CLTCL1: variants seen among roughly 807,000 people sequenced by gnomAD.
The protein encoded by CLTCL1 is clathrin heavy chain like 1.
CLTCL1 carries 159 observed loss-of-function variants against 190.0 expected under a neutral mutation model. The ratio of observed to expected loss-of-function variants is 0.84; its 90% confidence interval spans 0.74 to 0.95. The LOEUF is 0.95. Ranked by LOEUF, CLTCL1 falls within the 40% of genes least tolerant of loss-of-function variation. The probability of loss-of-function intolerance (pLI) is 0.00; values close to 1 mark genes in which losing one functional copy is unlikely to be tolerated. For synonymous variants in CLTCL1, 752 were observed against 769.6 expected (o/e 0.98, Z 0.38); for missense variants, 1,878 against 2,033.4 (o/e 0.92, Z 1.47).
intron 19 of CLTCL1, among the ~76,000 whole-genome samples, chr22:19,212,500 G>A (rs191122959): frequency 3.2e-4 from 49 of 151,826 alleles, no homozygotes; most frequent in Non-Finnish European, 6.2e-4. Context: ...GGTTGGGGCT[G>A]CAGTGAGCCG....
At chr22:19,291,085 G>T (rs186530310) in intron 1 of CLTCL1, among the ~76,000 whole-genome samples, 103 of 152,334 alleles carry the variant, frequency 6.8e-4, no homozygotes, top group South Asian at 3.1e-3. Context: ...GCAGGCTTTG[G>T]GGGTGTTACT....
intron 3 of CLTCL1, among the ~76,000 whole-genome samples, chr22:19,243,540 G>A (rs1035321763): frequency 6.6e-6 from 1 of 151,956 alleles, no homozygotes; most frequent in Non-Finnish European, 1.5e-5. Flanking sequence ...GATTGCTTGG[G>A]CCAAGAAGTT....
At chr22:19,205,092 A>T (rs75862769) in intron 22 of CLTCL1, among the ~76,000 whole-genome samples, 194 of 18,636 alleles carry the variant, frequency 0.01, no homozygotes, top group African/African-American at 0.076. Context: ...ATCACTGATT[A>T]AAAAAAAAAA....
intron 4 of CLTCL1, 138 bp downstream of exon 4, chr22:19,242,637 C>T (rs1569214616): frequency 6.3e-6 from 6 of 948,304 alleles, no homozygotes; most frequent in Admixed American, 2.1e-5. Context: ...ATGTGCATCA[C>T]GGTGCACAGT....
intron 3 of CLTCL1, among the ~76,000 whole-genome samples, chr22:19,252,839 C>A (rs1400150499): frequency 9.2e-5 from 14 of 151,948 alleles, no homozygotes; most frequent in Non-Finnish European, 1.6e-4. Context: ...ACGGAGAAAC[C>A]CCATCTCTAC....
Position 19,225,627 on chromosome 22 carries a change from C to G in CLTCL1, c.1954G>C (p.Val652Leu). 1 of 1,541,940 alleles carries G rather than the reference C, an allele frequency of 6.5e-7. No homozygotes were observed. The highest frequency in any genetic ancestry group is 1.4e-5 in the African/African-American group (1 of 73,176). The change falls in exon 13 of 33, where the codon GTC becomes CTC. Residue 652 changes from valine to leucine, a missense_variant. Val to Leu is a conservative substitution (Grantham distance 32). Coordinates refer to ENST00000427926, the MANE Select transcript of CLTCL1 (RefSeq NM_007098.4). ...HTHLLNPEWL[V>L]NFFGSLSVED... is the part of the protein sequence containing the mutation. ...ACCGATAAGGAGCCAAAGAAATTGA[C>G]AAGCCACTGGGAACAAGGAAGAGTC...
rs879969846 is a variant in CLTCL1, at chr22:19,187,464, T to A, written c.4605+94A>T. On this transcript the variant is annotated intron_variant, in intron 29 of 32. Transcript: ENST00000427926. ...TCCCCTGGTGAAGCTCAGAGCCAGG[T>A]CTCAGGAACAAGAGGGAAGGGATGT... 4.6e-6 allele frequency: 6 copies of A among 1,313,226 alleles called. No individual in the cohort carries two copies. The Admixed American group carries it at 1.2e-4, about 26-fold the overall frequency. 81.3% of individuals were successfully genotyped at this position (1,313,226 alleles called of 1,614,324 possible).
chr22:19,235,337 G>C (rs1451433883), intron 6 of CLTCL1, among the ~76,000 whole-genome samples: 1 of 152,154 alleles, frequency 6.6e-6, no homozygotes, highest in Non-Finnish European at 1.5e-5. Flanking sequence ...GCCCAGCCAA[G>C]AGTTTCTTCT....
chr22:19,219,566 C>T (rs781951061), intron 18 of CLTCL1, among the ~76,000 whole-genome samples: 5 of 152,086 alleles, frequency 3.3e-5, no homozygotes, highest in South Asian at 2.1e-4. Flanking sequence ...TCACTGCAAC[C>T]TCCACCCCCT....
intron 3 of CLTCL1, 42 bp from the exon 4 acceptor site, chr22:19,242,978 G>C: frequency 6.5e-7 from 1 of 1,528,316 alleles, no homozygotes; most frequent in Non-Finnish European, 8.9e-7. Flanking sequence ...AGAAAAGAGA[G>C]GAATATAAAG....
chr22:19,265,709 C>T (rs1379947823), intron 2 of CLTCL1, among the ~76,000 whole-genome samples: 1 of 152,088 alleles, frequency 6.6e-6, no homozygotes, highest in African/African-American at 2.4e-5. Flanking sequence ...AATACACATA[C>T]ATACACAAAA....
At chr22:19,237,756 A>C (rs1235960265) in intron 5 of CLTCL1, among the ~76,000 whole-genome samples, 1 of 152,234 alleles carries the variant, frequency 6.6e-6, no homozygotes, top group African/African-American at 2.4e-5. Flanking sequence ...AGAGGAGTTT[A>C]TACAGCAGCA....
intron 1 of CLTCL1, among the ~76,000 whole-genome samples, chr22:19,289,662 A>G (rs2088037060): frequency 6.6e-6 from 1 of 151,552 alleles, no homozygotes; most frequent in Non-Finnish European, 1.5e-5. Flanking sequence ...ACAACAAGAC[A>G]GAAGGATGAA....
chr22:19,234,396 A>C, intron 7 of CLTCL1, 113 bp downstream of exon 7: 1 of 981,988 alleles, frequency 1.0e-6, no homozygotes, highest in Non-Finnish European at 1.5e-6. Flanking sequence ...AAAACTCCTA[A>C]CATAACACTA....
At chr22:19,193,235 C>T (rs1227996734) in intron 26 of CLTCL1, among the ~76,000 whole-genome samples, 4 of 152,246 alleles carry the variant, frequency 2.6e-5, no homozygotes, top group Admixed American at 2.0e-4. Flanking sequence ...ACCATGTGCA[C>T]TCTTGGCCCT....
chr22:19,219,861 GAC>G, intron 18 of CLTCL1, 22 bp downstream of exon 18: 1 of 1,613,964 alleles, frequency 6.2e-7, no homozygotes, highest in Non-Finnish European at 8.5e-7. Context: ...CAGGTGTGCA[GAC>G]ATACCCATCT....
chr22:19,223,158 C>A (rs2085629297), intron 14 of CLTCL1, among the ~76,000 whole-genome samples: 1 of 152,194 alleles, frequency 6.6e-6, no homozygotes, highest in Non-Finnish European at 1.5e-5. Flanking sequence ...CCTTTTCAGA[C>A]ACGCAGCCGC....
At chr22:19,193,090 C>T (rs1449047819) in intron 26 of CLTCL1, among the ~76,000 whole-genome samples, 1 of 152,140 alleles carries the variant, frequency 6.6e-6, no homozygotes, top group African/African-American at 2.4e-5. Flanking sequence ...AACCACAAGG[C>T]TCCTCAGGCC....
In CLTCL1 at chr22:19,191,389, T is replaced by C. The variant is rs782294084; in HGVS notation, c.4238A>G (p.Asp1413Gly). Residue 1413 changes from aspartate to glycine, a missense_variant, in exon 27 of 33, where the codon GAT becomes GGT. Physicochemically the swap from Asp to Gly is moderately conservative, Grantham distance 94. Transcript: ENST00000427926. ...GTCATTGATGAGCAGTGGTTTGTAA[T>C]CCAAATAGAACTGCAGGGCTCTGTA... ...LCYRALQFYL[D>G]YKPLLINDLL... is the part of the protein sequence containing the mutation. 24 of 1,613,970 alleles carry C rather than the reference T, an allele frequency of 1.5e-5. No homozygotes were observed. The highest frequency in any genetic ancestry group is 2.0e-5 in the Non-Finnish European group (24 of 1,179,900).
Sources: gnomAD v4.1 joint callset for allele counts (sites outside exome capture counted in the v4.1 genomes callset) on GRCh38, gnomAD v4.1.1 for gene constraint, MANE v1.5 for transcripts, NCBI Gene and HGNC (gene_info 2026-07-23, HGNC 2026-07-21) for gene names.